KIAA0319: variants seen among roughly 807,000 people sequenced by gnomAD.
KIAA0319 encodes KIAA0319.
Under a neutral mutation model 108.4 loss-of-function variants are expected in KIAA0319, and 83 were observed. The observed-to-expected ratio is 0.77, with a 90% CI of 0.64 to 0.92. The LOEUF (loss-of-function observed/expected upper bound fraction) is 0.92, where lower values mean the gene tolerates loss of function less well. Ranked by LOEUF, KIAA0319 falls within the 40% of genes least tolerant of loss-of-function variation. The pLI, the probability that KIAA0319 is intolerant of heterozygous loss-of-function variation, is 0.00. For missense variants in KIAA0319, 1,195 were observed against 1,322.4 expected (o/e 0.90, Z 1.49); for synonymous variants, 484 against 510.4 (o/e 0.95, Z 0.70).
At chr6:24,585,907 G>A (rs748231265) in intron 4 of KIAA0319, among the ~76,000 whole-genome samples, 8 of 152,090 alleles carry the variant, frequency 5.3e-5, no homozygotes, top group African/African-American at 1.7e-4. Flanking sequence ...TGGCCAACAC[G>A]GAGAAACCCT....
intron 20 of KIAA0319, among the ~76,000 whole-genome samples, chr6:24,549,405 A>ACTAT (rs1761124695): frequency 1.3e-5 from 2 of 151,394 alleles, no homozygotes; most frequent in African/African-American, 4.9e-5. Flanking sequence ...GGAGGCACCA[A>ACTAT]CTATGAGGAA....
rs1395849289 is a variant in KIAA0319, at chr6:24,596,439, G to C, written c.235C>G (p.Leu79Val). The C allele has an allele frequency of 6.2e-7, 1 of 1,614,216 alleles. No individual in the cohort carries two copies. Among genetic ancestry groups the C allele is most frequent in the Admixed American group, 1.7e-5 (1 of 60,032 alleles). ...LAWWFEGRCY[L>V]VSCPHKENCE... is the part of the protein sequence containing the mutation. ...TTCTCTTTGTGGGGGCAGCTCACCA[G>C]GTAGCAGCGGCCCTCGAACCACCAG... is the stretch of plus-strand genomic sequence containing the variant. Residue 79 changes from leucine (L) to valine (V), a missense_variant, in exon 3 of 21, where the codon CTG becomes GTG. Transcript: ENST00000378214.
At chr6:24,637,709 A>G (rs1776379353) in intron 1 of KIAA0319, among the ~76,000 whole-genome samples, 1 of 152,192 alleles carries the variant, frequency 6.6e-6, no homozygotes, top group South Asian at 2.1e-4. Flanking sequence ...GGGGCAGAAG[A>G]GTGGGACTGA....
chr6:24,573,384 A>G (rs1022116431), intron 10 of KIAA0319, among the ~76,000 whole-genome samples: 22 of 152,208 alleles, frequency 1.4e-4, no homozygotes, highest in Non-Finnish European at 1.6e-4. Context: ...CATCAACAGG[A>G]GGATGGTCAA....
intron 12 of KIAA0319, 85 bp downstream of exon 12, chr6:24,569,818 A>G (rs1375435794): frequency 6.7e-7 from 1 of 1,498,314 alleles, no homozygotes; most frequent in African/African-American, 1.4e-5. Flanking sequence ...GCGCAAGCTG[A>G]TTGTTTACTA....
chr6:24,589,611 T>G (rs1317147400), intron 3 of KIAA0319, among the ~76,000 whole-genome samples: 1 of 152,208 alleles, frequency 6.6e-6, no homozygotes, highest in African/African-American at 2.4e-5. Context: ...CTCTCTCACC[T>G]GCTGCCATGA....
chr6:24,615,909 C>A lies in KIAA0319; in HGVS notation c.-105-14701G>T, dbSNP rs1373511638. 2.0e-5 allele frequency among the ~76,000 whole-genome samples: 3 copies of A among 152,202 alleles called. No homozygotes were observed. In the East Asian group the frequency reaches 5.8e-4, roughly 29 times the overall value. On this transcript the variant is annotated intron_variant, in intron 1 of 20. Coordinates refer to ENST00000378214, the MANE Select transcript of KIAA0319 (RefSeq NM_014809.4). ...TCACGGTTCTATTATTGTTTAATTC[C>A]ATCTATAGTCAGTATATCAAAGAGG... is the stretch of plus-strand genomic sequence containing the variant.
At chr6:24,612,827 C>T (rs762814334) in intron 1 of KIAA0319, among the ~76,000 whole-genome samples, 76 of 152,102 alleles carry the variant, frequency 5.0e-4, no homozygotes, top group Non-Finnish European at 9.9e-4. Flanking sequence ...GAGACTGAGT[C>T]TCACTCTGTC....
At chr6:24,575,733 T>C (rs1182857123) in intron 10 of KIAA0319, among the ~76,000 whole-genome samples, 6 of 151,844 alleles carry the variant, frequency 4.0e-5, no homozygotes, top group African/African-American at 1.2e-4. Flanking sequence ...GATGGAAATG[T>C]AAGGTCCTAT....
intron 18 of KIAA0319, 29 bp downstream of exon 18, chr6:24,556,578 C>G: frequency 1.9e-6 from 3 of 1,608,314 alleles, no homozygotes; most frequent in Non-Finnish European, 2.5e-6. Context: ...AGGCTCCTCA[C>G]CCAAAGCCTC....
chr6:24,576,646 G>T, intron 9 of KIAA0319, 50 bp from the exon 10 acceptor site: 2 of 1,447,998 alleles, frequency 1.4e-6, no homozygotes, highest in Non-Finnish European at 1.9e-6. Context: ...CAGGCTGGGT[G>T]CAGTGACTCA....
In KIAA0319 at chr6:24,588,636, G is replaced by A; in HGVS notation, c.951C>T (p.Thr317=). 1 of 1,613,952 alleles carries A rather than the reference G, an allele frequency of 6.2e-7. No individual in the cohort carries two copies. Among genetic ancestry groups the A allele is most frequent in the Non-Finnish European group, 8.5e-7 (1 of 1,179,934 alleles). ...PPTSAAPSES[T]PSELPISPTT... Reference sequence around the variant, plus strand: ...TAGGAGATATGGGTAGCTCAGATGGGGTGGACTCAGAGGGGGCTGCGCTAG... The same window carrying A: ...TAGGAGATATGGGTAGCTCAGATGGAGTGGACTCAGAGGGGGCTGCGCTAG... Residue 317 remains threonine (T), a synonymous_variant, in exon 4 of 21, where the codon ACC becomes ACT. Coordinates refer to ENST00000378214, the MANE Select transcript of KIAA0319 (RefSeq NM_014809.4).
intron 1 of KIAA0319, among the ~76,000 whole-genome samples, chr6:24,640,618 G>A (rs775582991): frequency 2.0e-5 from 3 of 152,126 alleles, no homozygotes; most frequent in Non-Finnish European, 4.4e-5. Flanking sequence ...TTTTTTCATT[G>A]TGGTAAAATA....
Position 24,588,741 on chromosome 6 carries a change from G to C in KIAA0319, c.846C>G (p.Leu282=), listed in dbSNP as rs768432064. The C allele has an allele frequency of 6.2e-7, 1 of 1,613,732 alleles. No individual in the cohort carries two copies. Among genetic ancestry groups the C allele is most frequent in the Non-Finnish European group, 8.5e-7 (1 of 1,180,000 alleles). The change falls in exon 4 of 21, where the codon CTC becomes CTG. Residue 282 remains leucine (L), a synonymous_variant. Transcript: ENST00000378214. The part of the protein sequence containing the change: ...SHSLPPASLE[L]SSVTVEKSPV... Reference sequence around the variant, plus strand: ...GGCTTTTCTCCACGGTGACTGAGCTGAGCTCCAGGCTTGCCGGAGGAAGAC... The same window carrying C: ...GGCTTTTCTCCACGGTGACTGAGCTCAGCTCCAGGCTTGCCGGAGGAAGAC...
intron 10 of KIAA0319, among the ~76,000 whole-genome samples, chr6:24,572,953 T>C (rs536464422): frequency 8.9e-4 from 135 of 152,150 alleles, no homozygotes; most frequent in African/African-American, 3.0e-3. Context: ...CCGTCTCTAC[T>C]AAAAATATAT....
chr6:24,573,817 A>C (rs1235844566), intron 10 of KIAA0319, among the ~76,000 whole-genome samples: 1 of 152,178 alleles, frequency 6.6e-6, no homozygotes, highest in Non-Finnish European at 1.5e-5. Flanking sequence ...TTAGTTTTGT[A>C]ATCAAAAATA....
At chr6:24,621,173 T>C (rs1356626409) in intron 1 of KIAA0319, among the ~76,000 whole-genome samples, 1 of 152,234 alleles carries the variant, frequency 6.6e-6, no homozygotes. Flanking sequence ...TATTCTTTCT[T>C]AGGACGTTAG....
Position 24,569,884 on chromosome 6 carries a change from C to T in KIAA0319, c.1991+19G>A, listed in dbSNP as rs1181553156. 2 of 1,613,242 alleles carry T rather than the reference C, an allele frequency of 1.2e-6. No individual in the cohort carries two copies. The highest frequency in any genetic ancestry group is 2.2e-5 in the East Asian group (1 of 44,898). ...ATTCAGCATGGGCATGAACCTAGCT[C>T]AGTGGCGAGACAGACTACCTGACGT... On this transcript the variant is annotated intron_variant, in intron 12 of 20. Transcript: ENST00000378214.
At chr6:24,595,835 G>T in intron 3 of KIAA0319, 38 bp downstream of exon 3, 2 of 1,552,978 alleles carry the variant, frequency 1.3e-6, no homozygotes, top group Non-Finnish European at 1.7e-6. Flanking sequence ...GCCCCACTCA[G>T]CCCATCCCAC....
Sources: allele counts gnomAD v4.1 joint callset (sites outside exome capture counted in the v4.1 genomes callset), GRCh38; gene constraint gnomAD v4.1.1; transcripts MANE v1.5; gene names NCBI Gene and HGNC (gene_info 2026-07-23, HGNC 2026-07-21).